The following MALRD1 variants were observed in gnomAD, a reference collection of about 807,000 sequenced individuals.
MALRD1 encodes MAM and LDL receptor class A domain containing 1.
A neutral mutation model predicts 242.1 loss-of-function variants in MALRD1; 247 were observed. That is an observed-to-expected ratio of 1.02 (90% CI 0.92 to 1.13). MALRD1 has a LOEUF of 1.13. MALRD1 is among the 50% of genes most tolerant of loss of function. The pLI is 0.00. For missense variants in MALRD1, 2,989 were observed against 2,533.1 expected (o/e 1.18, Z -3.86); for synonymous variants, 995 against 866.6 (o/e 1.15, Z -2.60).
chr10:19,471,058 T>G (rs1164283421), intron 29 of MALRD1, among the ~76,000 whole-genome samples: 3 of 151,872 alleles, frequency 2.0e-5, no homozygotes, highest in African/African-American at 7.2e-5. Flanking sequence ...TTTTTAGGAG[T>G]TTTGCCATTT....
chr10:19,722,410 T>A (rs985686145), intron 38 of MALRD1: 1 of 151,936 alleles, frequency 6.6e-6, no homozygotes, highest in African/African-American at 2.4e-5. Flanking sequence ...GGCAATATAG[T>A]GAGATGTCAT....
chr10:19,362,380 A>G (rs1456513264), intron 26 of MALRD1, among the ~76,000 whole-genome samples: 2 of 152,142 alleles, frequency 1.3e-5, no homozygotes, highest in African/African-American at 2.4e-5. Flanking sequence ...TAATGGTAAC[A>G]TACCCTCACT....
chr10:19,469,298 C>T (rs1022382392), intron 29 of MALRD1, among the ~76,000 whole-genome samples: 9 of 152,142 alleles, frequency 5.9e-5, no homozygotes, highest in African/African-American at 9.6e-5. Flanking sequence ...TGTCGAATTA[C>T]ATACTTTTCT....
chr10:19,234,489 C>G (rs1838214340), intron 18 of MALRD1, among the ~76,000 whole-genome samples: 1 of 152,056 alleles, frequency 6.6e-6, no homozygotes, highest in African/African-American at 2.4e-5. Context: ...TTATTTCTCT[C>G]TTTTCAGTAT....
intron 38 of MALRD1, chr10:19,710,875 A>G (rs1834079293): frequency 6.6e-6 from 1 of 152,232 alleles, no homozygotes; most frequent in African/African-American, 2.4e-5. Flanking sequence ...GTTTTCTTGT[A>G]CAAGCAATCA....
chr10:19,304,768 A>G (rs1249783343), intron 21 of MALRD1, among the ~76,000 whole-genome samples: 1 of 151,718 alleles, frequency 6.6e-6, no homozygotes, highest in African/African-American at 2.4e-5. Flanking sequence ...AAGGTCATAA[A>G]TAAACTTTTC....
intron 28 of MALRD1, among the ~76,000 whole-genome samples, chr10:19,447,091 C>CACAT (rs1835036964): frequency 1.4e-5 from 2 of 140,548 alleles, no homozygotes; most frequent in South Asian, 2.3e-4. Flanking sequence ...CACACACACA[C>CACAT]ACACACACAC....
At chr10:19,664,127 C>G (rs1224837400) in intron 36 of MALRD1, among the ~76,000 whole-genome samples, 2 of 151,628 alleles carry the variant, frequency 1.3e-5, no homozygotes, top group Non-Finnish European at 2.9e-5. Context: ...ATATTTTTTC[C>G]AGGGTTTTTT....
At chr10:19,731,677 C>A (rs1248278540) in intron 39 of MALRD1, among the ~76,000 whole-genome samples, 2 of 152,088 alleles carry the variant, frequency 1.3e-5, no homozygotes, top group Non-Finnish European at 2.9e-5. Flanking sequence ...TTTTCCCATT[C>A]CTTTCTTAAG....
chr10:19,189,268 GAAA>G (rs1196408631), intron 14 of MALRD1, among the ~76,000 whole-genome samples: 3 of 152,124 alleles, frequency 2.0e-5, no homozygotes, highest in Non-Finnish European at 2.9e-5. Flanking sequence ...CAAAGAAACA[GAAA>G]ATCTGAATGG....
At chr10:19,409,779 T>C (rs1833195761) in intron 28 of MALRD1, among the ~76,000 whole-genome samples, 1 of 152,184 alleles carries the variant, frequency 6.6e-6, no homozygotes, top group African/African-American at 2.4e-5. Flanking sequence ...AATAATTATG[T>C]TAAATTTACA....
chr10:19,275,623 C>T (rs534554797), intron 19 of MALRD1, among the ~76,000 whole-genome samples: 1 of 152,016 alleles, frequency 6.6e-6, no homozygotes, highest in Non-Finnish European at 1.5e-5. Flanking sequence ...GAGTGGAGAT[C>T]GCGACACTGC....
chr10:19,220,979 C>T (rs1394576119), intron 18 of MALRD1, among the ~76,000 whole-genome samples: 1 of 152,116 alleles, frequency 6.6e-6, no homozygotes, highest in Non-Finnish European at 1.5e-5. Flanking sequence ...AAATATTCTC[C>T]AGTAGATCTC....
chr10:19,064,971 T>C (rs998116532), intron 1 of MALRD1, among the ~76,000 whole-genome samples: 3 of 151,754 alleles, frequency 2.0e-5, no homozygotes, highest in Non-Finnish European at 2.9e-5. Context: ...TTAATGCAAA[T>C]TGAGGGGCAG....
rs1199942060 is a variant in MALRD1 at position 19,498,488 on chromosome 10, A to G, written c.5162A>G (p.His1721Arg). 2.6e-6 allele frequency: 4 copies of G among 1,549,290 alleles called. No homozygotes were observed. The highest frequency in any genetic ancestry group is 1.7e-4 in the Middle Eastern group (1 of 6,006). The change falls in exon 31 of 40, where the codon CAT (histidine) becomes CGT (arginine). Residue 1721 changes from histidine (H) to arginine (R), a missense_variant. His to Arg is a conservative substitution (Grantham distance 29). Coordinates refer to ENST00000454679, the MANE Select transcript of MALRD1 (RefSeq NM_001142308.3). ...SDRSDEAHCA[H>R]YTSTTGSCNF... ...ATTAATGTTTTTGCTTCCCCAGCAC[A>G]TTATACAAGCACAACAGGAAGCTGC... is the stretch of plus-strand genomic sequence containing the variant.
chr10:19,698,336 C>T (rs1017163489), intron 38 of MALRD1, among the ~76,000 whole-genome samples: 2 of 152,120 alleles, frequency 1.3e-5, no homozygotes, highest in African/African-American at 2.4e-5. Context: ...AGTGGCTACA[C>T]CCCTCAAATA....
intron 36 of MALRD1, among the ~76,000 whole-genome samples, chr10:19,622,262 A>G (rs1238239539): frequency 1.3e-5 from 2 of 151,808 alleles, no homozygotes; most frequent in Admixed American, 6.6e-5. Flanking sequence ...TCAAACAATA[A>G]AAACAATTTA....
chr10:19,238,996 A>G (rs1268475094), intron 18 of MALRD1, among the ~76,000 whole-genome samples: 1 of 149,672 alleles, frequency 6.7e-6, no homozygotes, highest in Non-Finnish European at 1.5e-5. Context: ...TGATTTTATT[A>G]TATATTCGTC....
intron 4 of MALRD1, among the ~76,000 whole-genome samples, chr10:19,091,855 G>C (rs1232025461): frequency 1.1e-5 from 1 of 89,646 alleles, no homozygotes; most frequent in Non-Finnish European, 2.0e-5. Flanking sequence ...GTACCCAGTA[G>C]TCATTCAGGA....
Sources: gnomAD v4.1 joint callset for allele counts (sites outside exome capture counted in the v4.1 genomes callset) on GRCh38, gnomAD v4.1.1 for gene constraint, MANE v1.5 for transcripts, NCBI Gene and HGNC (gene_info 2026-07-23, HGNC 2026-07-21) for gene names.